The following DMD variants were observed in gnomAD, a reference collection of about 807,000 sequenced individuals.
DMD encodes mutant dystrophin.
DMD carries 63 observed loss-of-function variants against 330.1 expected under a neutral mutation model. That is an observed-to-expected ratio of 0.19 (90% confidence interval 0.16 to 0.24). The LOEUF is 0.24. Ranked by LOEUF, DMD falls within the 10% of genes least tolerant of loss-of-function variation. The pLI is 1.00. For missense variants in DMD, 3,344 were observed against 2,684.1 expected, an observed-to-expected ratio of 1.25 and a Z score of -5.43; for synonymous variants, 1,223 against 959.8, an observed-to-expected ratio of 1.27 and a Z score of -5.07.
intron 1 of DMD, among the ~76,000 whole-genome samples, chrX:33,113,413 GA>G (rs200224513): frequency 0.028 from 3,172 of 111,501 alleles, 127 homozygotes; most frequent in African/African-American, 0.098. Context: ...AGTAATTGGG[GA>G]AAAAAATAGT....
At chrX:31,220,605 G>T (rs755235551) in intron 64 of DMD, among the ~76,000 whole-genome samples, 85 of 111,052 alleles carry the variant, frequency 7.7e-4, no homozygotes, top group African/African-American at 2.7e-3. Context: ...CCCTTCTCAC[G>T]CTACACTTTC....
In DMD at chrX:32,054,480, G is replaced by A. The variant is rs1304554802; in HGVS notation, c.6439-85966C>T. 2.8e-5 allele frequency among the ~76,000 whole-genome samples: 3 copies of A among 108,584 alleles called. No individual in the cohort carries two copies. The Admixed American group carries it at 3.0e-4, about 11-fold the overall frequency. 94.3% of individuals were successfully genotyped at this position (108,584 alleles called of 115,157 possible). On this transcript the variant is annotated intron_variant, in intron 44 of 78. Transcript: ENST00000357033. ...GTCCTTGCAATAGTTTGCTGAGAACGATGGTTTCCAGATTCATCCATGTCC... is the reference window on the plus strand; with the variant it reads ...GTCCTTGCAATAGTTTGCTGAGAACAATGGTTTCCAGATTCATCCATGTCC...
chrX:31,284,591 TTCTTCTTCTTCTTC>T (rs1184152542), intron 62 of DMD, among the ~76,000 whole-genome samples: 2,290 of 101,182 alleles, frequency 0.023, 34 homozygotes, highest in Non-Finnish European at 0.03. Context: ...CTTCTTCTTC[TTCTTCTTCTTCTTC>T]TTTTTTTTGG....
chrX:32,616,879 C>T (rs574500155), intron 11 of DMD, among the ~76,000 whole-genome samples: 1 of 108,365 alleles, frequency 9.2e-6, no homozygotes, highest in Non-Finnish European at 1.9e-5. Context: ...TCTGTATTAA[C>T]CTAATATTAA....
intron 9 of DMD, among the ~76,000 whole-genome samples, chrX:32,666,623 G>C (rs1213541352): frequency 9.1e-6 from 1 of 110,475 alleles, no homozygotes; most frequent in African/African-American, 3.3e-5. Context: ...ATGGTCAGGA[G>C]TTCGAGACCA....
intron 18 of DMD, among the ~76,000 whole-genome samples, chrX:32,508,228 C>A (rs1176612585): frequency 9.0e-6 from 1 of 110,917 alleles, no homozygotes; most frequent in Non-Finnish European, 1.9e-5. Flanking sequence ...CAGAAAGAAG[C>A]AGTCAATGGT....
At chrX:32,243,778 C>CAAGTT (rs1453511725) in intron 43 of DMD, among the ~76,000 whole-genome samples, 2 of 111,044 alleles carry the variant, frequency 1.8e-5, no homozygotes, top group Non-Finnish European at 3.8e-5. Context: ...CACATCGACT[C>CAAGTT]AAGTTAAACA....
At chrX:32,182,275 T>C (rs1231601030) in intron 44 of DMD, among the ~76,000 whole-genome samples, 1 of 112,481 alleles carries the variant, frequency 8.9e-6, no homozygotes, top group Non-Finnish European at 1.9e-5. Flanking sequence ...TATATTATCA[T>C]AGAAGCTAGT....
chrX:31,762,759 T>C (rs913113202), intron 51 of DMD, among the ~76,000 whole-genome samples: 1 of 110,446 alleles, frequency 9.1e-6, no homozygotes, highest in Non-Finnish European at 1.9e-5. Context: ...GAGAATGCTG[T>C]CACGCATAGC....
intron 7 of DMD, among the ~76,000 whole-genome samples, chrX:32,759,843 TGGGGGGGG>T (rs748482113): frequency 2.8e-5 from 1 of 35,198 alleles, no homozygotes; most frequent in African/African-American, 1.8e-4. Flanking sequence ...AGGTTTTTCT[TGGGGGGGG>T]GGGGGGGGCG....
intron 43 of DMD, among the ~76,000 whole-genome samples, chrX:32,262,627 G>A (rs1160688694): frequency 7.3e-5 from 8 of 109,685 alleles, no homozygotes; most frequent in Non-Finnish European, 1.1e-4. Context: ...AAAGATTACC[G>A]TAGCGAACAC....
intron 53 of DMD, among the ~76,000 whole-genome samples, chrX:31,663,759 G>A (rs2081264057): frequency 9.0e-6 from 1 of 110,609 alleles, no homozygotes; most frequent in Non-Finnish European, 1.9e-5. Flanking sequence ...CTTCAAACAT[G>A]AGTGTCTCTC....
chrX:32,358,095 A>G (rs1448461344), intron 37 of DMD, among the ~76,000 whole-genome samples: 2 of 110,346 alleles, frequency 1.8e-5, no homozygotes. Flanking sequence ...GGAAAATAAT[A>G]TATGGTTGGT....
chrX:33,239,640 G>T lies in DMD; in HGVS notation c.7+99619C>A. Reference sequence around the variant, plus strand: ...AGCTTATTTTTTAAATGAACATAGAGAATTGTATGTATTTATTGTGTTCAA... The same window carrying T: ...AGCTTATTTTTTAAATGAACATAGATAATTGTATGTATTTATTGTGTTCAA... On this transcript the variant is annotated intron_variant, in intron 1 of 17. Coordinates refer to the DMD transcript ENST00000288447. Among the ~76,000 whole-genome samples, 3 of 111,888 alleles carry T rather than the reference G, an allele frequency of 2.7e-5. No individual in the cohort carries two copies. In the Middle Eastern group the frequency reaches 0.014, roughly 516 times the overall value.
At chrX:32,912,042 AG>A in intron 2 of DMD, among the ~76,000 whole-genome samples, 1 of 69,813 alleles carries the variant, frequency 1.4e-5, no homozygotes. Flanking sequence ...AGAGAGAGAG[AG>A]AGAGAGAGAG....
chrX:31,339,247 G>A (rs891959517), intron 61 of DMD, among the ~76,000 whole-genome samples: 1 of 111,626 alleles, frequency 9.0e-6, no homozygotes, highest in Non-Finnish European at 1.9e-5. Flanking sequence ...AAATCTGAGA[G>A]CTTATTGGGG....
At chrX:31,374,849 G>A (rs889748464) in intron 60 of DMD, among the ~76,000 whole-genome samples, 2 of 111,094 alleles carry the variant, frequency 1.8e-5, no homozygotes, top group African/African-American at 6.6e-5. Context: ...TAAATAAAAT[G>A]TATTTACTCT....
Position 32,871,783 on chromosome X carries a change from CTG to C in DMD, c.94-21965_94-21964del, listed in dbSNP as rs773798462. The stretch of plus-strand genomic sequence containing the variant: ...AGTACTGTATCATTCCACTCCCACT[CTG>C]AGACTAAGTTTCAGAAACCCTATAT... On this transcript the variant is annotated intron_variant, in intron 2 of 78. Transcript: ENST00000357033. 7.2e-5 allele frequency among the ~76,000 whole-genome samples: 8 copies of C among 111,410 alleles called. No individual in the cohort carries two copies. In the South Asian group the frequency reaches 3.1e-3, roughly 43 times the overall value.
At chrX:32,953,467 T>C (rs2091383778) in intron 2 of DMD, among the ~76,000 whole-genome samples, 1 of 112,203 alleles carries the variant, frequency 8.9e-6, no homozygotes, top group Admixed American at 9.5e-5. Context: ...ATATTAAATA[T>C]CGGCTAGATA....
Sources: gnomAD v4.1 joint callset for allele counts (sites outside exome capture counted in the v4.1 genomes callset) on GRCh38, gnomAD v4.1.1 for gene constraint, MANE v1.5 for transcripts, NCBI Gene and HGNC (gene_info 2026-07-23, HGNC 2026-07-21) for gene names.